Variants in CACNA2D4 observed in about 807,000 individuals in gnomAD.
The protein encoded by CACNA2D4 is calcium voltage-gated channel auxiliary subunit alpha2delta 4, also known as voltage-dependent calcium channel subunit alpha-2/delta-4.
CACNA2D4 carries 157 observed loss-of-function variants against 163.8 expected under a neutral mutation model. The observed-to-expected ratio is 0.96, with a 90% CI of 0.84 to 1.09. CACNA2D4 has a LOEUF of 1.09. Among genes scored for constraint, CACNA2D4 ranks in the 50% least tolerant of loss-of-function variants. The pLI is 0.00. For missense variants in CACNA2D4, 1,410 were observed against 1,479.9 expected, an observed-to-expected ratio of 0.95 and a Z score of 0.78; for synonymous variants, 598 against 586.9, an observed-to-expected ratio of 1.02 and a Z score of -0.27.
intron 37 of CACNA2D4, chr12:1,795,045 ACC>A: frequency 1.7e-6 from 1 of 578,282 alleles, no homozygotes; most frequent in East Asian, 2.8e-5. Context: ...CAAAAGATGC[ACC>A]TATCACCCTA....
intron 14 of CACNA2D4, 42 bp from the exon 15 acceptor site, chr12:1,879,078 C>T: frequency 6.4e-7 from 1 of 1,555,370 alleles, no homozygotes; most frequent in Non-Finnish European, 8.9e-7. Flanking sequence ...CCCAGCTTCC[C>T]TGTGTACAAG....
At chr12:1,801,149 C>T (rs772844267) in intron 30 of CACNA2D4, 31 bp from the exon 31 acceptor site, 1 of 1,584,092 alleles carries the variant, frequency 6.3e-7, no homozygotes, top group South Asian at 1.1e-5. Flanking sequence ...GTGATGAGTC[C>T]AAAGCCACCC....
chr12:1,804,304 C>T (rs1863444354), intron 29 of CACNA2D4, among the ~76,000 whole-genome samples: 2 of 152,178 alleles, frequency 1.3e-5, no homozygotes. Context: ...GAATGAATGA[C>T]CCGAGTCTTC....
intron 26 of CACNA2D4, among the ~76,000 whole-genome samples, chr12:1,813,847 C>T (rs1243584073): frequency 2.6e-5 from 4 of 152,200 alleles, no homozygotes; most frequent in Non-Finnish European, 5.9e-5. Flanking sequence ...GCTGCAGACA[C>T]AGCGCACAGC....
chr12:1,865,488 G>A (rs1865630071), intron 18 of CACNA2D4, among the ~76,000 whole-genome samples: 1 of 152,256 alleles, frequency 6.6e-6, no homozygotes, highest in African/African-American at 2.4e-5. Context: ...TTTACTGCAA[G>A]AGCCACTGTC....
intron 6 of CACNA2D4, among the ~76,000 whole-genome samples, chr12:1,899,514 A>G (rs11062014): frequency 0.15 from 22,970 of 152,172 alleles, 2,000 homozygotes; most frequent in African/African-American, 0.24. Flanking sequence ...AGAATAATAG[A>G]TTCATACAAA....
In CACNA2D4 at chr12:1,828,001, G is replaced by A. The variant is rs771603682; in HGVS notation, c.2551+12738C>T. 1.0e-3 allele frequency: 560 copies of A among 560,334 alleles called. 3 individuals are homozygous for A. Among genetic ancestry groups the A allele is most frequent in the Non-Finnish European group, 1.1e-3 (365 of 336,560 alleles). 34.7% of individuals were successfully genotyped at this position (560,334 alleles called of 1,614,324 possible). On this transcript the variant is annotated intron_variant, in intron 26 of 37. Transcript: ENST00000382722. This position sits in a 1 kb window ranked among gnomAD's most constrained non-coding sequence, Gnocchi z 4.2. ...GCATGAGGAGTGTAAAGAGACACCC[G>A]GGCCCTCTCCCTAACCCCTGGGCTG...
Position 1,879,887 on chromosome 12 carries a change from A to C in CACNA2D4, c.1486-6T>G. 6.3e-7 allele frequency: 1 copy of C among 1,589,494 alleles called. No homozygotes were observed. The highest frequency in any genetic ancestry group is 8.6e-7 in the Non-Finnish European group (1 of 1,167,682). On this transcript the variant is annotated splice_region_variant and splice_polypyrimidine_tract_variant and intron_variant, in intron 13 of 37. Coordinates refer to ENST00000382722, the MANE Select transcript of CACNA2D4 (RefSeq NM_172364.5). The stretch of plus-strand genomic sequence containing the variant: ...TGAGCCTGCGAGCTGAGGAGCTGTA[A>C]GGGAGGGGAGAACAGGGGTCAGAAG...
At position 1,834,424 on chromosome 12, in the gene CACNA2D4, C is replaced by T; in HGVS notation, c.2551+6315G>A. On this transcript the variant is annotated intron_variant, in intron 26 of 37. Transcript: ENST00000382722. This position sits in a 1 kb window ranked among gnomAD's most constrained non-coding sequence, Gnocchi z 7.6. ...TTCCTGGGCCACCCTGCACCAAGGC[C>T]AGTCCAGAGCCTGCTAAGCCCAAGC... is the stretch of plus-strand genomic sequence containing the variant. 1 of 1,612,938 alleles carries T rather than the reference C, an allele frequency of 6.2e-7. No homozygotes were observed. The highest frequency in any genetic ancestry group is 2.2e-5 in the East Asian group (1 of 44,878).
intron 29 of CACNA2D4, among the ~76,000 whole-genome samples, chr12:1,801,976 G>A (rs1473271278): frequency 6.7e-6 from 1 of 149,886 alleles, no homozygotes; most frequent in African/African-American, 2.5e-5. Context: ...TTGCAGCAAG[G>A]TTAAAGAATG....
In CACNA2D4 at chr12:1,874,920, T is replaced by G. The variant is rs187213096; in HGVS notation, c.1807-245A>C. The stretch of plus-strand genomic sequence containing the variant: ...TGCATTGGGGTACAGAGTGCCAAGT[T>G]GCTGGGACATAATTTCCTCTAGGAC... On this transcript the variant is annotated intron_variant, in intron 17 of 37. Coordinates refer to ENST00000382722, the MANE Select transcript of CACNA2D4 (RefSeq NM_172364.5). This position sits in a 1 kb window ranked among gnomAD's most constrained non-coding sequence, Gnocchi z 4.4. 6.6e-6 allele frequency among the ~76,000 whole-genome samples: 1 copy of G among 152,272 alleles called. No homozygotes were observed. Among genetic ancestry groups the G allele is most frequent in the African/African-American group, 2.4e-5 (1 of 41,562 alleles).
intron 29 of CACNA2D4, among the ~76,000 whole-genome samples, chr12:1,807,588 G>A (rs944734296): frequency 1.3e-5 from 2 of 151,980 alleles, no homozygotes; most frequent in East Asian, 1.9e-4. Flanking sequence ...ACTCTCCGCC[G>A]CCCTGTCTTC....
chr12:1,805,866 T>TG (rs1324884249), intron 29 of CACNA2D4, among the ~76,000 whole-genome samples: 1 of 152,160 alleles, frequency 6.6e-6, no homozygotes, highest in Non-Finnish European at 1.5e-5. Flanking sequence ...GATAGTGACT[T>TG]GAAGATGAGG....
chr12:1,847,961 A>G (rs556807988), intron 23 of CACNA2D4, among the ~76,000 whole-genome samples: 1 of 152,304 alleles, frequency 6.6e-6, no homozygotes, highest in South Asian at 2.1e-4. Context: ...AATTTTTTTA[A>G]GTTTGGCTGA....
Position 1,909,939 on chromosome 12 carries a change from G to A in CACNA2D4, c.453C>T (p.Ala151=), listed in dbSNP as rs748218321. 5 of 1,613,780 alleles carry A rather than the reference G, an allele frequency of 3.1e-6. No homozygotes were observed. The highest frequency in any genetic ancestry group is 2.2e-5 in the East Asian group (1 of 44,888). Residue 151 remains alanine (A), a synonymous_variant, in exon 4 of 38, where the codon GCC becomes GCT. Coordinates refer to ENST00000382722, the MANE Select transcript of CACNA2D4 (RefSeq NM_172364.5). ...ATTCATTGAATTCGTGGTTCAGGTC[G>A]GCCTCCTCGGCAGCTTCCACCAGAT... The part of the protein sequence containing the change: ...VQNLVEAAEE[A]DLNHEFNESL...
chr12:1,811,087 C>T (rs1033683503), intron 27 of CACNA2D4, among the ~76,000 whole-genome samples: 3 of 152,234 alleles, frequency 2.0e-5, no homozygotes, highest in African/African-American at 7.2e-5. Context: ...TCTCGATTCA[C>T]TCTTGGGCTC....
intron 6 of CACNA2D4, among the ~76,000 whole-genome samples, chr12:1,906,875 A>T (rs1445451936): frequency 3.3e-5 from 5 of 152,196 alleles, no homozygotes; most frequent in Non-Finnish European, 7.3e-5. Flanking sequence ...TAACTTTAAG[A>T]CTTCCTGGAC....
At chr12:1,795,886 A>C in intron 35 of CACNA2D4, 106 bp from the exon 36 acceptor site, 1 of 781,360 alleles carries the variant, frequency 1.3e-6, no homozygotes, top group East Asian at 2.5e-5. Flanking sequence ...GTGGCAGGGA[A>C]GCCCGGAACC....
chr12:1,826,412 C>CCCCA (rs1864327270), intron 26 of CACNA2D4, among the ~76,000 whole-genome samples: 1 of 41,720 alleles, frequency 2.4e-5, no homozygotes, highest in African/African-American at 4.1e-5. Context: ...CCCCCCCCCC[C>CCCCA]CCCCGCCAAC....
Sources: allele counts gnomAD v4.1 joint callset (sites outside exome capture counted in the v4.1 genomes callset), GRCh38; gene constraint gnomAD v4.1.1; non-coding constraint Gnocchi (gnomAD v3.1); transcripts MANE v1.5; gene names NCBI Gene and HGNC (gene_info 2026-07-23, HGNC 2026-07-21).